The following COL23A1 variants were observed in gnomAD, a reference collection of about 807,000 sequenced individuals.
COL23A1 encodes the protein collagen type XXIII alpha 1 chain, also known as collagen alpha-1(XXIII) chain.
COL23A1 carries 97 observed loss-of-function variants against 99.3 expected under a neutral mutation model. The observed-to-expected ratio is 0.98, with a 90% CI of 0.83 to 1.16. The LOEUF (loss-of-function observed/expected upper bound fraction) is 1.16, where lower values mean the gene tolerates loss of function less well. Among genes scored for constraint, COL23A1 ranks in the 50% most tolerant of loss-of-function variants. The pLI, the probability that COL23A1 is intolerant of heterozygous loss-of-function variation, is 0.00. For missense variants in COL23A1, 762 were observed against 757.4 expected (o/e 1.01, Z -0.07); for synonymous variants, 320 against 308.2 (o/e 1.04, Z -0.40).
intron 6 of COL23A1, 40 bp from the exon 7 acceptor site, chr5:178,268,796 G>T: frequency 6.3e-7 from 1 of 1,578,022 alleles, no homozygotes. Context: ...CCTGAGTGAG[G>T]GGCCTAGGCT....
At chr5:178,368,843 G>C (rs1023576992) in intron 2 of COL23A1, among the ~76,000 whole-genome samples, 1 of 152,234 alleles carries the variant, frequency 6.6e-6, no homozygotes, top group Admixed American at 6.5e-5. Flanking sequence ...TCACGGACTT[G>C]CTTTCCCCCT....
intron 2 of COL23A1, among the ~76,000 whole-genome samples, chr5:178,337,753 G>A (rs1410830448): frequency 2.0e-5 from 3 of 152,128 alleles, no homozygotes; most frequent in South Asian, 2.1e-4. Flanking sequence ...TTCCTGGCAC[G>A]AAAGCATCAC....
chr5:178,273,421 C>T (rs1331765891), intron 5 of COL23A1, among the ~76,000 whole-genome samples: 2 of 152,216 alleles, frequency 1.3e-5, no homozygotes, highest in Non-Finnish European at 2.9e-5. Flanking sequence ...AAGCCCCGTC[C>T]GTGACAGAAA....
chr5:178,306,809 G>A lies in COL23A1; in HGVS notation c.406+66C>T. The A allele has an allele frequency of 1.6e-6, 2 of 1,247,886 alleles. No individual in the cohort carries two copies. Among genetic ancestry groups the A allele is most frequent in the Non-Finnish European group, 2.1e-6 (2 of 936,170 alleles). The allele number at this position is 1,247,886 out of a possible 1,614,324, so 77.3% of individuals were successfully genotyped here. A position where few individuals can be genotyped will look rare whatever the true frequency, so the allele number is the denominator to read the frequency against. On this transcript the variant is annotated intron_variant, in intron 3 of 28. Transcript: ENST00000390654. This position sits in a 1 kb window ranked among gnomAD's most constrained non-coding sequence, Gnocchi z 4.1. ...GGGCAGCAGGTGGCCAGGCCCTGCAGTCAGAGCCTGGGGCCATGGTGGCTT... is the reference window on the plus strand; with the variant it reads ...GGGCAGCAGGTGGCCAGGCCCTGCAATCAGAGCCTGGGGCCATGGTGGCTT...
At chr5:178,342,147 G>A (rs934031869) in intron 2 of COL23A1, among the ~76,000 whole-genome samples, 4 of 152,146 alleles carry the variant, frequency 2.6e-5, no homozygotes, top group South Asian at 2.1e-4. Context: ...CCACTTCTGC[G>A]GAAGGCTGCT....
chr5:178,339,104 G>A (rs1212152798), intron 2 of COL23A1, among the ~76,000 whole-genome samples: 1 of 152,136 alleles, frequency 6.6e-6, no homozygotes, highest in Non-Finnish European at 1.5e-5. Flanking sequence ...ACCTCAAAGA[G>A]AGGTTCATGC....
rs562769397 is a variant in COL23A1 at position 178,515,771 on chromosome 5, C to T, written c.361+44911G>A. 9.2e-5 allele frequency among the ~76,000 whole-genome samples: 14 copies of T among 152,266 alleles called. 1 individual carries two copies. The South Asian group carries it at 2.7e-3, about 29-fold the overall frequency. On this transcript the variant is annotated intron_variant, in intron 2 of 28. Transcript: ENST00000390654. ...TCCCTCTTGAACCTGCCACCTGCAT[C>T]GTGCCCCTTTCCTCCACAGCCCACT...
At chr5:178,425,117 T>C (rs1765841372) in intron 2 of COL23A1, among the ~76,000 whole-genome samples, 1 of 152,046 alleles carries the variant, frequency 6.6e-6, no homozygotes, top group Non-Finnish European at 1.5e-5. Flanking sequence ...GCCTGTAAAA[T>C]CCAAAGCAAA....
chr5:178,504,728 C>G (rs1252401001), intron 2 of COL23A1, among the ~76,000 whole-genome samples: 1 of 152,190 alleles, frequency 6.6e-6, no homozygotes, highest in African/African-American at 2.4e-5. Flanking sequence ...AGTGTGTGTG[C>G]CTTGACATGC....
Position 178,434,390 on chromosome 5 carries a change from G to A in COL23A1, c.361+126292C>T, listed in dbSNP as rs1054073708. Among the ~76,000 whole-genome samples, 3 of 152,248 alleles carry A rather than the reference G, an allele frequency of 2.0e-5. No individual in the cohort carries two copies. The highest frequency in any genetic ancestry group is 2.0e-4 in the Admixed American group (3 of 15,288). On this transcript the variant is annotated intron_variant, in intron 2 of 28. Coordinates refer to ENST00000390654, the MANE Select transcript of COL23A1 (RefSeq NM_173465.4). The surrounding 1 kb of genome is among the most constrained non-coding windows in gnomAD (Gnocchi z 4.3). ...GTCCCACCAGGACAGCGCCCCTGCA[G>A]CACGGTGGCCTCGGGCAAAATGCCT...
intron 2 of COL23A1, among the ~76,000 whole-genome samples, chr5:178,380,166 C>T (rs1763301738): frequency 6.6e-6 from 1 of 152,174 alleles, no homozygotes; most frequent in Non-Finnish European, 1.5e-5. Context: ...TTTTATTTAT[C>T]TGTAGAAGCC....
intron 1 of COL23A1, among the ~76,000 whole-genome samples, chr5:178,583,531 G>A (rs1407965706): frequency 6.6e-6 from 1 of 152,186 alleles, no homozygotes; most frequent in Non-Finnish European, 1.5e-5. Context: ...CCCATCGAGA[G>A]GCTGCCCTGC....
chr5:178,432,987 A>T (rs1248114429), intron 2 of COL23A1, among the ~76,000 whole-genome samples: 1 of 152,080 alleles, frequency 6.6e-6, no homozygotes, highest in Non-Finnish European at 1.5e-5. Flanking sequence ...TGCTGAGACC[A>T]TGGTAGCTGG....
intron 2 of COL23A1, among the ~76,000 whole-genome samples, chr5:178,453,707 G>T (rs1038937218): frequency 1.2e-4 from 18 of 152,162 alleles, no homozygotes; most frequent in African/African-American, 2.7e-4. Context: ...GGGCAAAGAT[G>T]AGGATGCTCT....
intron 2 of COL23A1, among the ~76,000 whole-genome samples, chr5:178,373,956 C>T (rs1762932994): frequency 6.6e-6 from 1 of 152,090 alleles, no homozygotes; most frequent in African/African-American, 2.4e-5. Flanking sequence ...CGAGTGGGGC[C>T]GGAGGGGAAG....
At chr5:178,244,971 A>C (rs1764591397) in intron 25 of COL23A1, among the ~76,000 whole-genome samples, 2 of 147,114 alleles carry the variant, frequency 1.4e-5, no homozygotes, top group South Asian at 2.2e-4. Flanking sequence ...TCATCCATCC[A>C]TCCACTCATC....
chr5:178,480,114 A>G (rs1165818162), intron 2 of COL23A1, among the ~76,000 whole-genome samples: 1 of 151,882 alleles, frequency 6.6e-6, no homozygotes, highest in African/African-American at 2.4e-5. Context: ...GTTGACCAAC[A>G]TGTTACTCTG....
At chr5:178,435,599 T>C (rs1766514282) in intron 2 of COL23A1, among the ~76,000 whole-genome samples, 1 of 152,088 alleles carries the variant, frequency 6.6e-6, no homozygotes. Context: ...CCTGCAAAAC[T>C]AGATAACTAC....
intron 18 of COL23A1, 72 bp downstream of exon 18, chr5:178,249,989 A>T: frequency 8.3e-7 from 1 of 1,203,500 alleles, no homozygotes; most frequent in Non-Finnish European, 1.2e-6. Context: ...GCACACGCAC[A>T]CACACACACA....
Sources: allele counts gnomAD v4.1 joint callset (sites outside exome capture counted in the v4.1 genomes callset), GRCh38; gene constraint gnomAD v4.1.1; non-coding constraint Gnocchi (gnomAD v3.1); transcripts MANE v1.5; gene names NCBI Gene and HGNC (gene_info 2026-07-23, HGNC 2026-07-21).